TMTC1: variants seen among roughly 807,000 people sequenced by gnomAD.
TMTC1 encodes protein O-mannosyl-transferase TMTC1.
In TMTC1, 73 loss-of-function variants were observed where a neutral mutation model predicts 104.8. The ratio of observed to expected loss-of-function variants is 0.70; its 90% CI spans 0.58 to 0.85. The LOEUF is 0.85. Among genes scored for constraint, TMTC1 ranks in the 40% least tolerant of loss-of-function variants. The pLI is 0.00. For synonymous variants in TMTC1, 434 were observed against 428.7 expected (o/e 1.01, Z -0.15); for missense variants, 1,035 against 1,096.1 (o/e 0.94, Z 0.79).
At chr12:29,649,613 G>A (rs1939425871) in intron 5 of TMTC1, among the ~76,000 whole-genome samples, 2 of 152,214 alleles carry the variant, frequency 1.3e-5, no homozygotes, top group Non-Finnish European at 2.9e-5. Flanking sequence ...ATATGTAATT[G>A]TGCAAGTTAA....
Position 29,604,125 on chromosome 12 carries a change from A to G in TMTC1, c.1250+53T>C, listed in dbSNP as rs967227562. The G allele has an allele frequency of 2.3e-5, 37 of 1,607,138 alleles. 1 individual carries two copies. The Middle Eastern group carries it at 5.0e-4, about 22-fold the overall frequency. On this transcript the variant is annotated intron_variant, in intron 7 of 17. Transcript: ENST00000539277. ...GAAGACTGTCTCTCTGGAACTATCA[A>G]TGTTGGTGACAGAGGGCAGGTCTTG... is the stretch of plus-strand genomic sequence containing the variant.
At chr12:29,753,505 T>G (rs1383777631) in intron 4 of TMTC1, among the ~76,000 whole-genome samples, 1 of 152,234 alleles carries the variant, frequency 6.6e-6, no homozygotes, top group African/African-American at 2.4e-5. Context: ...GGAGGATACT[T>G]TCTGTGCCTC....
At chr12:29,769,895 T>C (rs1345372455) in intron 1 of TMTC1, among the ~76,000 whole-genome samples, 1 of 151,948 alleles carries the variant, frequency 6.6e-6, no homozygotes, top group African/African-American at 2.4e-5. Flanking sequence ...ACAAGAAAAG[T>C]TTGTATAAAA....
At chr12:29,568,228 A>T (rs533409244) in intron 9 of TMTC1, among the ~76,000 whole-genome samples, 1 of 152,362 alleles carries the variant, frequency 6.6e-6, no homozygotes, top group South Asian at 2.1e-4. Flanking sequence ...CATTAAAAGC[A>T]CAATACAAAA....
intron 5 of TMTC1, among the ~76,000 whole-genome samples, chr12:29,724,236 A>G (rs1471900868): frequency 1.3e-5 from 2 of 152,254 alleles, no homozygotes; most frequent in African/African-American, 4.8e-5. Flanking sequence ...TGAAAATGTT[A>G]AAGTCTGATA....
chr12:29,671,466 T>C (rs1053999520), intron 5 of TMTC1, among the ~76,000 whole-genome samples: 7 of 152,228 alleles, frequency 4.6e-5, no homozygotes, highest in African/African-American at 1.7e-4. Context: ...AGAAAAAGCA[T>C]ACATGCATAC....
At chr12:29,697,879 A>T (rs184853079) in intron 5 of TMTC1, among the ~76,000 whole-genome samples, 3 of 152,200 alleles carry the variant, frequency 2.0e-5, no homozygotes, top group South Asian at 2.1e-4. Context: ...GTTACTCCCA[A>T]CCAAAAAAAG....
chr12:29,761,657 A>G (rs1198634848), intron 2 of TMTC1, among the ~76,000 whole-genome samples: 1 of 151,992 alleles, frequency 6.6e-6, no homozygotes, highest in Non-Finnish European at 1.5e-5. Context: ...GCTCCAAAGA[A>G]CAGGTACCAT....
intron 5 of TMTC1, among the ~76,000 whole-genome samples, chr12:29,742,913 A>G (rs944939918): frequency 1.3e-5 from 2 of 152,256 alleles, no homozygotes; most frequent in East Asian, 3.8e-4. Context: ...AGACTATACA[A>G]CTTTCCTTCA....
chr12:29,629,242 A>G (rs1003121367), intron 6 of TMTC1, among the ~76,000 whole-genome samples: 1 of 151,654 alleles, frequency 6.6e-6, no homozygotes, highest in Non-Finnish European at 1.5e-5. Flanking sequence ...AATGGCGTGA[A>G]CCCGGGAGGT....
Position 29,618,532 on chromosome 12 carries a change from C to T in TMTC1, c.1129-14233G>A, listed in dbSNP as rs76621662. On this transcript the variant is annotated intron_variant, in intron 6 of 17. Coordinates refer to ENST00000539277, the MANE Select transcript of TMTC1 (RefSeq NM_001193451.2). Reference sequence around the variant, plus strand: ...CTATGCTTCCTCCTTAGGCAATGTACATGTAAAAATAAGGAATTTTAGATT... The same window carrying T: ...CTATGCTTCCTCCTTAGGCAATGTATATGTAAAAATAAGGAATTTTAGATT... Among the ~76,000 whole-genome samples, 37 of 151,792 alleles carry T rather than the reference C, an allele frequency of 2.4e-4. No homozygotes were observed. In the East Asian group the frequency reaches 6.4e-3, roughly 26 times the overall value.
chr12:29,593,085 A>G (rs1592285680), intron 7 of TMTC1, among the ~76,000 whole-genome samples: 1 of 152,210 alleles, frequency 6.6e-6, no homozygotes. Flanking sequence ...AAATGGGTCA[A>G]GAGAGCTGGG....
intron 6 of TMTC1, among the ~76,000 whole-genome samples, chr12:29,626,661 C>T (rs566142468): frequency 6.6e-6 from 1 of 152,208 alleles, no homozygotes; most frequent in African/African-American, 2.4e-5. Flanking sequence ...AATCAATGAC[C>T]TAAATATAAG....
chr12:29,578,834 G>A (rs1945896528), intron 8 of TMTC1, among the ~76,000 whole-genome samples: 1 of 152,184 alleles, frequency 6.6e-6, no homozygotes, highest in African/African-American at 2.4e-5. Flanking sequence ...AGGAAAGGAA[G>A]AAGAATTTGT....
chr12:29,680,845 C>T lies in TMTC1; in HGVS notation c.939-47509G>A, dbSNP rs1940890304. ...AATAAGCAATGAAGGTCTAACTGAT[C>T]CCAGCACTTTGGGAGGCCGAGGTGG... is the stretch of plus-strand genomic sequence containing the variant. On this transcript the variant is annotated intron_variant, in intron 5 of 17. Coordinates refer to ENST00000539277, the MANE Select transcript of TMTC1 (RefSeq NM_001193451.2). Among the ~76,000 whole-genome samples, 3 of 152,116 alleles carry T rather than the reference C, an allele frequency of 2.0e-5. No individual in the cohort carries two copies. The South Asian group carries it at 6.2e-4, about 32-fold the overall frequency.
intron 10 of TMTC1, among the ~76,000 whole-genome samples, chr12:29,546,188 G>C (rs1271495257): frequency 2.0e-5 from 3 of 152,196 alleles, no homozygotes; most frequent in Non-Finnish European, 4.4e-5. Context: ...AGAGTGATGG[G>C]CTTGTCCTAG....
intron 5 of TMTC1, among the ~76,000 whole-genome samples, chr12:29,715,987 GTATTAT>G (rs140955615): frequency 0.075 from 9,769 of 129,906 alleles, 427 homozygotes; most frequent in East Asian, 0.15. Flanking sequence ...GCCAAACTCA[GTATTAT>G]TATTATTATT....
chr12:29,739,406 G>C (rs76068128), intron 5 of TMTC1, among the ~76,000 whole-genome samples: 3 of 152,164 alleles, frequency 2.0e-5, no homozygotes, highest in Non-Finnish European at 4.4e-5. Flanking sequence ...TGTCTCATCT[G>C]TTAAGACTCA....
At chr12:29,659,945 T>C in intron 5 of TMTC1, 1 of 1,536,022 alleles carries the variant, frequency 6.5e-7, no homozygotes, top group Non-Finnish European at 8.7e-7. Flanking sequence ...GCATAGATCC[T>C]CCCATTATCC....
Sources: allele counts gnomAD v4.1 joint callset (sites outside exome capture counted in the v4.1 genomes callset), GRCh38; gene constraint gnomAD v4.1.1; transcripts MANE v1.5; gene names NCBI Gene and HGNC (gene_info 2026-07-23, HGNC 2026-07-21).